Variants in TMEM132B observed in about 807,000 individuals in gnomAD.
TMEM132B encodes transmembrane protein 132B.
In TMEM132B, 18 loss-of-function variants were observed where a neutral mutation model predicts 90.8. That is an observed-to-expected ratio of 0.20 (90% confidence interval 0.14 to 0.29). The LOEUF is 0.29. Ranked by LOEUF, TMEM132B falls within the 10% of genes least tolerant of loss-of-function variation. The pLI is 1.00. For synonymous variants in TMEM132B, 504 were observed against 523.3 expected (o/e 0.96, Z 0.50); for missense variants, 1,096 against 1,326.8 (o/e 0.83, Z 2.70).
intron 5 of TMEM132B, among the ~76,000 whole-genome samples, chr12:125,641,984 AG>A (rs1886642067): frequency 6.6e-6 from 1 of 152,174 alleles, no homozygotes; most frequent in Non-Finnish European, 1.5e-5. Context: ...TCTAAATCAC[AG>A]GGGGCCTCAA....
chr12:125,395,005 T>C (rs1280535807), intron 2 of TMEM132B, among the ~76,000 whole-genome samples: 2 of 152,206 alleles, frequency 1.3e-5, no homozygotes, highest in African/African-American at 4.8e-5. Flanking sequence ...TGTACCCATG[T>C]GACAAACCTG....
At chr12:125,646,330 A>C (rs1315804387) in intron 6 of TMEM132B, among the ~76,000 whole-genome samples, 2 of 152,240 alleles carry the variant, frequency 1.3e-5, no homozygotes, top group Admixed American at 1.3e-4. Context: ...TGAGACAAAA[A>C]GAAACAGGGA....
intron 5 of TMEM132B, among the ~76,000 whole-genome samples, chr12:125,632,074 T>C (rs1210522715): frequency 6.6e-6 from 1 of 152,102 alleles, no homozygotes; most frequent in Non-Finnish European, 1.5e-5. Flanking sequence ...CTTTCCTTCT[T>C]ATTTTCTTTC....
chr12:125,387,156 G>T (rs1474280878), intron 2 of TMEM132B, among the ~76,000 whole-genome samples: 1 of 151,236 alleles, frequency 6.6e-6, no homozygotes, highest in South Asian at 2.1e-4. Flanking sequence ...TGGGGGTGGG[G>T]CGGGGAGATG....
chr12:125,510,895 A>G (rs1358551892), intron 3 of TMEM132B, among the ~76,000 whole-genome samples: 2 of 152,252 alleles, frequency 1.3e-5, no homozygotes, highest in Non-Finnish European at 2.9e-5. Flanking sequence ...CCTTCTATTT[A>G]AAAACAATTG....
At position 125,574,701 on chromosome 12, in the gene TMEM132B, C is replaced by T. The variant is rs566168762; in HGVS notation, c.1294-9150C>T. On this transcript the variant is annotated intron_variant, in intron 4 of 8. Coordinates refer to ENST00000682704, the MANE Select transcript of TMEM132B (RefSeq NM_001366854.1). Reference sequence around the variant, plus strand: ...GTTGCTCACCCTGGTAAAACTTCAGCGGGTCAAAAAGGGTGTTGAAGATGC... The same window carrying T: ...GTTGCTCACCCTGGTAAAACTTCAGTGGGTCAAAAAGGGTGTTGAAGATGC... Among the ~76,000 whole-genome samples the T allele has an allele frequency of 5.9e-5, 9 of 152,056 alleles. No homozygotes were observed. In the East Asian group the frequency reaches 9.7e-4, roughly 16 times the overall value.
intron 1 of TMEM132B, among the ~76,000 whole-genome samples, chr12:125,242,689 C>A (rs928521992): frequency 6.6e-6 from 1 of 152,182 alleles, no homozygotes; most frequent in African/African-American, 2.4e-5. Flanking sequence ...CTGGACAGTT[C>A]GGAGCCTGAG....
intron 1 of TMEM132B, among the ~76,000 whole-genome samples, chr12:125,254,411 T>G (rs1874384546): frequency 6.6e-6 from 1 of 152,198 alleles, no homozygotes; most frequent in African/African-American, 2.4e-5. Context: ...TCTGTTTGCC[T>G]TCATCAGCCC....
chr12:125,504,972 C>T (rs1882792835), intron 3 of TMEM132B, among the ~76,000 whole-genome samples: 1 of 151,942 alleles, frequency 6.6e-6, no homozygotes, highest in Non-Finnish European at 1.5e-5. Context: ...ACCCTGGAAT[C>T]GCACATGCAT....
rs1555246075 is a variant in TMEM132B at position 125,399,483 on chromosome 12, ATGTGTGTGTGTG to A, written c.960-16024_960-16013del. Reference sequence around the variant, plus strand: ...AGTGTGTGTGTGTGTGTGTGTGTGTATGTGTGTGTGTGTGTGTGTGTGTGTGTGTGTGTGTAT... The same window carrying A: ...AGTGTGTGTGTGTGTGTGTGTGTGTATGTGTGTGTGTGTGTGTGTGTGTAT... On this transcript the variant is annotated intron_variant, in intron 2 of 8. Coordinates refer to ENST00000682704, the MANE Select transcript of TMEM132B (RefSeq NM_001366854.1). 4.4e-3 allele frequency among the ~76,000 whole-genome samples: 309 copies of A among 69,924 alleles called. 2 individuals carry two copies. The highest frequency in any genetic ancestry group is 0.013 in the African/African-American group (288 of 22,914). The allele number at this position is 69,924 out of a possible 152,430, so 45.9% of individuals were successfully genotyped here. A position where few individuals can be genotyped will look rare whatever the true frequency, so the allele number is the denominator to read the frequency against.
intron 2 of TMEM132B, among the ~76,000 whole-genome samples, chr12:125,363,982 A>G (rs1365845490): frequency 1.3e-5 from 2 of 152,244 alleles, no homozygotes; most frequent in Non-Finnish European, 2.9e-5. Context: ...AATCCCCAAG[A>G]TTTGAGGCTA....
rs370774605 is a variant in TMEM132B at position 125,519,540 on chromosome 12, C to T, written c.1208C>T (p.Pro403Leu). The T allele has an allele frequency of 1.7e-5, 28 of 1,614,052 alleles. No individual in the cohort carries two copies. Among genetic ancestry groups the T allele is most frequent in the African/African-American group, 1.3e-4 (10 of 74,996 alleles). Residue 403 changes from proline to leucine, a missense_variant, in exon 4 of 9, where the codon CCG becomes CTG. By Grantham distance (98) the Pro-to-Leu change is moderately conservative. Transcript: ENST00000682704. The stretch of plus-strand genomic sequence containing the variant: ...CAGATTACCTGGCAGGTGGAGTACC[C>T]GATTGAGGACTCCATGAGTGAGCTG... ...AQQITWQVEY[P>L]IEDSMSELVV...
chr12:125,418,343 C>T (rs1880078957), intron 3 of TMEM132B, among the ~76,000 whole-genome samples: 1 of 152,098 alleles, frequency 6.6e-6, no homozygotes, highest in African/African-American at 2.4e-5. Context: ...CTCACATTGT[C>T]TCATAAAGGA....
At chr12:125,226,292 G>C (rs1873679703) in intron 1 of TMEM132B, among the ~76,000 whole-genome samples, 1 of 152,170 alleles carries the variant, frequency 6.6e-6, no homozygotes. Flanking sequence ...GCTCCACCTT[G>C]GCCCTGCTAC....
intron 1 of TMEM132B, among the ~76,000 whole-genome samples, chr12:125,243,038 C>T (rs375525902): frequency 0.011 from 1,018 of 91,888 alleles, 8 homozygotes; most frequent in East Asian, 0.021. Flanking sequence ...TATATACACA[C>T]ACACACACAC....
intron 1 of TMEM132B, among the ~76,000 whole-genome samples, chr12:125,259,075 A>G (rs963028722): frequency 3.3e-5 from 5 of 152,154 alleles, no homozygotes; most frequent in Non-Finnish European, 5.9e-5. Flanking sequence ...AAGAAGAGGG[A>G]AAAAAATGAG....
intron 1 of TMEM132B, among the ~76,000 whole-genome samples, chr12:125,283,545 C>T (rs569642999): frequency 3.3e-5 from 5 of 152,172 alleles, no homozygotes; most frequent in Admixed American, 6.5e-5. Flanking sequence ...TAATCTGGCC[C>T]GGGAAACATG....
intron 1 of TMEM132B, among the ~76,000 whole-genome samples, chr12:125,195,314 C>T (rs762171032): frequency 4.6e-5 from 7 of 151,380 alleles, no homozygotes; most frequent in South Asian, 2.1e-4. Context: ...CTAAACACAC[C>T]GTTCATTACC....
intron 2 of TMEM132B, among the ~76,000 whole-genome samples, chr12:125,359,470 G>C (rs1393452274): frequency 6.6e-6 from 1 of 151,864 alleles, no homozygotes; most frequent in East Asian, 1.9e-4. Flanking sequence ...AAAAACCCCA[G>C]ATCATATTAG....
Sources: allele counts gnomAD v4.1 joint callset (sites outside exome capture counted in the v4.1 genomes callset), GRCh38; gene constraint gnomAD v4.1.1; transcripts MANE v1.5; gene names NCBI Gene and HGNC (gene_info 2026-07-23, HGNC 2026-07-21).